The following STC1 variants were observed in gnomAD, a reference collection of about 807,000 sequenced individuals.
The protein encoded by STC1 is stanniocalcin-1.
Under a neutral mutation model 22.6 loss-of-function variants are expected in STC1, and 7 were observed. The observed-to-expected ratio is 0.31, with a 90% CI of 0.18 to 0.58. The LOEUF (loss-of-function observed/expected upper bound fraction) is 0.58, where lower values mean the gene tolerates loss of function less well. Ranked by LOEUF, STC1 falls within the 20% of genes least tolerant of loss-of-function variation. STC1 has a pLI of 0.89. For missense variants in STC1, 224 were observed against 311.0 expected (o/e 0.72, Z 2.10); for synonymous variants, 113 against 120.7 (o/e 0.94, Z 0.42).
Position 23,854,736 on chromosome 8 carries a change from G to A in STC1, c.-213C>T. ...TGCTGCTGCTGCCGCCGCTGCTGCT[G>A]CTGCTGCCACCGCCGCTGCTGCTGC... On this transcript the variant is annotated 5_prime_UTR_variant, in exon 1 of 4. Coordinates refer to ENST00000290271, the MANE Select transcript of STC1 (RefSeq NM_003155.3). The A allele has an allele frequency of 6.1e-6, 4 of 658,574 alleles. No homozygotes were observed. Among genetic ancestry groups the A allele is most frequent in the Non-Finnish European group, 1.1e-5 (4 of 355,322 alleles). 40.8% of individuals were successfully genotyped at this position (658,574 alleles called of 1,614,324 possible). A position where few individuals can be genotyped will look rare whatever the true frequency, so the allele number is the denominator to read the frequency against.
intron 3 of STC1, among the ~76,000 whole-genome samples, chr8:23,845,433 G>A (rs1035467751): frequency 1.3e-5 from 2 of 152,090 alleles, no homozygotes; most frequent in East Asian, 3.9e-4. Flanking sequence ...ATGAGGTGAA[G>A]CAAATTAGAA....
rs950120529 is a variant in STC1, at chr8:23,854,748, G to T, written c.-225C>A. 1.6e-6 allele frequency: 1 copy of T among 643,902 alleles called. No individual in the cohort carries two copies. The allele number at this position is 643,902 out of a possible 1,614,324, so 39.9% of individuals were successfully genotyped here. ...CGCCGCTGCTGCTGCTGCTGCCACCGCCGCTGCTGCTGCTGCTGCTGCAGT... is the reference window on the plus strand; with the variant it reads ...CGCCGCTGCTGCTGCTGCTGCCACCTCCGCTGCTGCTGCTGCTGCTGCAGT... On this transcript the variant is annotated 5_prime_UTR_variant, in exon 1 of 4. Transcript: ENST00000290271.
intron 3 of STC1, 92 bp downstream of exon 3, chr8:23,851,228 G>T: frequency 8.3e-7 from 1 of 1,201,810 alleles, no homozygotes; most frequent in Non-Finnish European, 1.2e-6. Flanking sequence ...GAGCATGACT[G>T]TGGCAATTTA....
intron 1 of STC1, among the ~76,000 whole-genome samples, chr8:23,852,749 GGAAGGAAGGA>G (rs1334193867): frequency 6.6e-6 from 1 of 152,176 alleles, no homozygotes; most frequent in Non-Finnish European, 1.5e-5. Context: ...TGAAAGCATG[GGAAGGAAGGA>G]GACAGTGGCT....
chr8:23,849,281 T>A (rs1377180984), intron 3 of STC1, among the ~76,000 whole-genome samples: 2 of 152,230 alleles, frequency 1.3e-5, no homozygotes, highest in African/African-American at 4.8e-5. Context: ...GCAGCTTCAA[T>A]GGAGCAAAGC....
chr8:23,843,169 G>C lies in STC1; in HGVS notation c.*1601C>G, dbSNP rs1399005224. The C allele has an allele frequency of 6.6e-6, 1 of 152,534 alleles. No individual in the cohort carries two copies. The highest frequency in any genetic ancestry group is 1.5e-5 in the Non-Finnish European group (1 of 68,062). 9.4% of individuals were successfully genotyped at this position (152,534 alleles called of 1,614,324 possible). ...CAGTGACGCTCATAAGGGACTGTTGGGTTCAAGGACAGTGACCCTGAGAAA... is the reference window on the plus strand; with the variant it reads ...CAGTGACGCTCATAAGGGACTGTTGCGTTCAAGGACAGTGACCCTGAGAAA... On this transcript the variant is annotated 3_prime_UTR_variant, in exon 4 of 4. Transcript: ENST00000290271.
rs200185525 is a variant in STC1, at chr8:23,852,399, T to A, written c.119-15A>T. On this transcript the variant is annotated splice_polypyrimidine_tract_variant and intron_variant, in intron 1 of 3. Coordinates refer to ENST00000290271, the MANE Select transcript of STC1 (RefSeq NM_003155.3). ...AACCACTTCAGCTGAAAGAGACAAATCCATCCATTCTGGGTCAAACAGTGA... is the reference window on the plus strand; with the variant it reads ...AACCACTTCAGCTGAAAGAGACAAAACCATCCATTCTGGGTCAAACAGTGA... 5.4e-5 allele frequency: 86 copies of A among 1,580,414 alleles called. 1 individual carries two copies. The East Asian group carries it at 1.7e-3, about 31-fold the overall frequency.
chr8:23,854,298 G>A, intron 1 of STC1, 108 bp downstream of exon 1: 1 of 1,092,696 alleles, frequency 9.2e-7, no homozygotes, highest in Non-Finnish European at 1.4e-6. Context: ...CATCAGGCAT[G>A]AAGCACATTT....
At chr8:23,847,036 TCC>T (rs1158152263) in intron 3 of STC1, among the ~76,000 whole-genome samples, 4 of 152,186 alleles carry the variant, frequency 2.6e-5, no homozygotes, top group Non-Finnish European at 5.9e-5. Flanking sequence ...CTCCCATCCC[TCC>T]AATAAGGACT....
intron 3 of STC1, among the ~76,000 whole-genome samples, chr8:23,850,380 A>G (rs1802623794): frequency 1.3e-5 from 2 of 152,220 alleles, no homozygotes; most frequent in South Asian, 4.1e-4. Context: ...AGAATCATAG[A>G]AATTCAAGGC....
At position 23,849,860 on chromosome 8, in the gene STC1, G is replaced by A. The variant is rs116949527; in HGVS notation, c.473+1460C>T. ...ATTTCTTTTCCTAATGGTGAAGGAA[G>A]TCTCCAATAATTAATCAGATCTCCC... is the stretch of plus-strand genomic sequence containing the variant. On this transcript the variant is annotated intron_variant, in intron 3 of 3. Transcript: ENST00000290271. 8.4e-4 allele frequency among the ~76,000 whole-genome samples: 128 copies of A among 152,086 alleles called. No homozygotes were observed. The East Asian group carries it at 0.011, about 14-fold the overall frequency.
chr8:23,850,676 C>T (rs1802627578), intron 3 of STC1, among the ~76,000 whole-genome samples: 1 of 152,090 alleles, frequency 6.6e-6, no homozygotes, highest in Non-Finnish European at 1.5e-5. Flanking sequence ...TCTGGACAGC[C>T]ATAAAACACA....
Position 23,844,627 on chromosome 8 carries a change from G to A in STC1, c.*143C>T. On this transcript the variant is annotated 3_prime_UTR_variant, in exon 4 of 4. Coordinates refer to ENST00000290271, the MANE Select transcript of STC1 (RefSeq NM_003155.3). Reference sequence around the variant, plus strand: ...TTGGGATATTGATTACAGAAGCCTAGTTTCATGCAATTTTCTTTAAGGGGG... The same window carrying A: ...TTGGGATATTGATTACAGAAGCCTAATTTCATGCAATTTTCTTTAAGGGGG... 1.1e-6 allele frequency: 1 copy of A among 949,304 alleles called. No homozygotes were observed. The highest frequency in any genetic ancestry group is 1.5e-6 in the Non-Finnish European group (1 of 652,970). The allele number at this position is 949,304 out of a possible 1,614,324, so 58.8% of individuals were successfully genotyped here. A position where few individuals can be genotyped will look rare whatever the true frequency, so the allele number is the denominator to read the frequency against.
intron 3 of STC1, among the ~76,000 whole-genome samples, chr8:23,847,599 A>G (rs1455953750): frequency 6.6e-6 from 1 of 152,252 alleles, no homozygotes; most frequent in Non-Finnish European, 1.5e-5. Context: ...GTTTCTCAGT[A>G]TGAGCAATAG....
chr8:23,847,754 C>A (rs948424578), intron 3 of STC1, among the ~76,000 whole-genome samples: 1 of 152,190 alleles, frequency 6.6e-6, no homozygotes, highest in African/African-American at 2.4e-5. Flanking sequence ...ACTTAGCAAT[C>A]GTCACCTATT....
intron 3 of STC1, 141 bp from the exon 4 acceptor site, chr8:23,845,181 T>C: frequency 1.2e-6 from 1 of 865,086 alleles, no homozygotes; most frequent in Non-Finnish European, 1.8e-6. Context: ...TGAAGGTGGC[T>C]TTTGCTCTCT....
At chr8:23,853,664 A>T (rs1802664917) in intron 1 of STC1, among the ~76,000 whole-genome samples, 1 of 152,212 alleles carries the variant, frequency 6.6e-6, no homozygotes, top group African/African-American at 2.4e-5. Flanking sequence ...CTTCCTAATG[A>T]TTCTTTTCCT....
intron 3 of STC1, among the ~76,000 whole-genome samples, chr8:23,847,740 G>A (rs182793654): frequency 4.1e-4 from 62 of 152,352 alleles, no homozygotes; most frequent in Non-Finnish European, 7.6e-4. Context: ...TCCAGCAAGA[G>A]TTGACTTAGC....
chr8:23,851,806 T>C (rs148503759), intron 2 of STC1, among the ~76,000 whole-genome samples: 4 of 152,200 alleles, frequency 2.6e-5, no homozygotes, highest in African/African-American at 9.6e-5. Context: ...AGCTTAAAAA[T>C]AGTCGTAATC....
Sources: allele counts gnomAD v4.1 joint callset (sites outside exome capture counted in the v4.1 genomes callset), GRCh38; gene constraint gnomAD v4.1.1; transcripts MANE v1.5; gene names NCBI Gene and HGNC (gene_info 2026-07-23, HGNC 2026-07-21).